Variants in LRRC4C observed in about 807,000 individuals in gnomAD.
LRRC4C encodes the protein leucine-rich repeat-containing protein 4C.
A neutral mutation model predicts 33.6 loss-of-function variants in LRRC4C; 5 were observed. The observed-to-expected ratio is 0.15, with a 90% CI of 0.08 to 0.31. LRRC4C has a LOEUF of 0.31. Among genes scored for constraint, LRRC4C ranks in the 10% least tolerant of loss-of-function variants. LRRC4C has a pLI of 1.00. For missense variants in LRRC4C, 560 were observed against 796.7 expected, an observed-to-expected ratio of 0.70 and a Z score of 3.58; for synonymous variants, 329 against 302.0, an observed-to-expected ratio of 1.09 and a Z score of -0.93.
chr11:40,399,577 A>G (rs1367828729), intron 3 of LRRC4C, among the ~76,000 whole-genome samples: 1 of 151,992 alleles, frequency 6.6e-6, no homozygotes, highest in Non-Finnish European at 1.5e-5. Flanking sequence ...AGATATACCT[A>G]ATGCTAAATG....
chr11:40,711,653 C>T (rs1946470334), intron 2 of LRRC4C, among the ~76,000 whole-genome samples: 1 of 148,194 alleles, frequency 6.7e-6, no homozygotes, highest in African/African-American at 2.5e-5. Context: ...AGTAGATAGA[C>T]ATGACCTGAA....
intron 3 of LRRC4C, among the ~76,000 whole-genome samples, chr11:40,617,583 A>G (rs962116347): frequency 6.6e-6 from 1 of 151,682 alleles, no homozygotes; most frequent in African/African-American, 2.4e-5. Context: ...CATAGGTCCA[A>G]CTTGGTTTCT....
chr11:40,409,781 G>A lies in LRRC4C; in HGVS notation c.-269-90060C>T, dbSNP rs546360290. Among the ~76,000 whole-genome samples, 3 of 152,064 alleles carry A rather than the reference G, an allele frequency of 2.0e-5. No homozygotes were observed. In the South Asian group the frequency reaches 6.2e-4, roughly 32 times the overall value. On this transcript the variant is annotated intron_variant, in intron 3 of 6. Transcript: ENST00000528697. Reference sequence around the variant, plus strand: ...AAGGGAATCCTTGAACACTGTTGATGGGAATGTAAATTAGTATAAGCATTA... The same window carrying A: ...AAGGGAATCCTTGAACACTGTTGATAGGAATGTAAATTAGTATAAGCATTA...
intron 1 of LRRC4C, among the ~76,000 whole-genome samples, chr11:41,387,873 T>A (rs955316944): frequency 6.6e-6 from 1 of 151,802 alleles, no homozygotes; most frequent in Admixed American, 6.6e-5. Context: ...CTTTCCAGGG[T>A]CACCTCAGTA....
At chr11:41,254,639 C>T (rs1315466222) in intron 1 of LRRC4C, among the ~76,000 whole-genome samples, 1 of 151,874 alleles carries the variant, frequency 6.6e-6, no homozygotes, top group Non-Finnish European at 1.5e-5. Context: ...CTCTTTACTC[C>T]AAGACCATCT....
intron 3 of LRRC4C, among the ~76,000 whole-genome samples, chr11:40,441,482 T>G (rs1305474776): frequency 1.3e-5 from 2 of 152,218 alleles, no homozygotes; most frequent in Non-Finnish European, 2.9e-5. Flanking sequence ...ATACAATGCA[T>G]TCTTTATTTT....
chr11:40,678,091 T>A (rs1944497161), intron 2 of LRRC4C, among the ~76,000 whole-genome samples: 1 of 151,952 alleles, frequency 6.6e-6, no homozygotes, highest in Admixed American at 6.6e-5. Flanking sequence ...GTAGGGTGGG[T>A]TCTGCTAATA....
chr11:40,648,905 C>A (rs573677710), intron 2 of LRRC4C, among the ~76,000 whole-genome samples: 1 of 152,078 alleles, frequency 6.6e-6, no homozygotes, highest in Non-Finnish European at 1.5e-5. Flanking sequence ...CCTCACATAT[C>A]GGTAGCACCG....
chr11:40,607,333 C>T (rs1051478207), intron 3 of LRRC4C, among the ~76,000 whole-genome samples: 1 of 152,152 alleles, frequency 6.6e-6, no homozygotes, highest in Non-Finnish European at 1.5e-5. Flanking sequence ...AGAATAGGCA[C>T]TCCTGTTTTC....
At chr11:40,519,632 T>C (rs1033144689) in intron 3 of LRRC4C, among the ~76,000 whole-genome samples, 2 of 152,196 alleles carry the variant, frequency 1.3e-5, no homozygotes, top group African/African-American at 2.4e-5. Context: ...TGTCTTCATA[T>C]TAGCAATAGG....
At chr11:41,399,487 C>A (rs1344753096) in intron 1 of LRRC4C, among the ~76,000 whole-genome samples, 1 of 151,906 alleles carries the variant, frequency 6.6e-6, no homozygotes, top group Admixed American at 6.6e-5. Flanking sequence ...GAATGACAGG[C>A]TTTCCTTCAC....
intron 2 of LRRC4C, among the ~76,000 whole-genome samples, chr11:40,756,736 A>G (rs1488887963): frequency 6.6e-6 from 1 of 152,114 alleles, no homozygotes; most frequent in East Asian, 1.9e-4. Flanking sequence ...TAAGCAATGC[A>G]TTTTCAAAAC....
intron 1 of LRRC4C, among the ~76,000 whole-genome samples, chr11:41,195,852 C>T (rs938366010): frequency 2.0e-5 from 3 of 151,968 alleles, no homozygotes; most frequent in African/African-American, 7.2e-5. Flanking sequence ...TCGACAAGGT[C>T]TCATTTGCAG....
chr11:41,002,488 G>A lies in LRRC4C; in HGVS notation c.-495-68765C>T, dbSNP rs553856457. On this transcript the variant is annotated intron_variant, in intron 1 of 6. Coordinates refer to ENST00000528697, the MANE Select transcript of LRRC4C (RefSeq NM_001258419.2). ...AGGCTGTGTTTCTGGGCAGTCATCA[G>A]ACAGCATCATATGTCCCACACTTGT... is the stretch of plus-strand genomic sequence containing the variant. 1.2e-4 allele frequency among the ~76,000 whole-genome samples: 18 copies of A among 152,256 alleles called. No homozygotes were observed. In the South Asian group the frequency reaches 3.5e-3, roughly 30 times the overall value.
chr11:40,427,566 G>A (rs140440553), intron 3 of LRRC4C, among the ~76,000 whole-genome samples: 7 of 152,228 alleles, frequency 4.6e-5, no homozygotes, highest in Non-Finnish European at 8.8e-5. Flanking sequence ...AGTGGCTCTC[G>A]CCTGTAATCC....
At chr11:40,501,487 G>A (rs2138628135) in intron 3 of LRRC4C, among the ~76,000 whole-genome samples, 1 of 152,324 alleles carries the variant, frequency 6.6e-6, no homozygotes, top group East Asian at 1.9e-4. Context: ...TGAAACCTAA[G>A]CAGAGGTCCC....
intron 1 of LRRC4C, among the ~76,000 whole-genome samples, chr11:41,304,986 C>T (rs1459691075): frequency 1.8e-4 from 19 of 103,916 alleles, no homozygotes; most frequent in African/African-American, 5.1e-4. Flanking sequence ...TGCCCGGCCG[C>T]CCCTACTGGG....
chr11:41,213,322 G>A (rs557796291), intron 1 of LRRC4C, among the ~76,000 whole-genome samples: 1 of 152,260 alleles, frequency 6.6e-6, no homozygotes, highest in South Asian at 2.1e-4. Flanking sequence ...TTTATTTTGT[G>A]TAAAATTATG....
At chr11:40,509,737 A>G (rs148969770) in intron 3 of LRRC4C, among the ~76,000 whole-genome samples, 28 of 152,316 alleles carry the variant, frequency 1.8e-4, no homozygotes, top group African/African-American at 6.7e-4. Flanking sequence ...GTTTCAAATT[A>G]TTACACAAAG....
Sources: gnomAD v4.1 joint callset for allele counts (sites outside exome capture counted in the v4.1 genomes callset) on GRCh38, gnomAD v4.1.1 for gene constraint, MANE v1.5 for transcripts, NCBI Gene and HGNC (gene_info 2026-07-23, HGNC 2026-07-21) for gene names.